The following ZNRF3 variants were observed in gnomAD, a reference collection of about 807,000 sequenced individuals.
The protein encoded by ZNRF3 is E3 ubiquitin-protein ligase ZNRF3.
A neutral mutation model predicts 72.5 loss-of-function variants in ZNRF3; 23 were observed. That is an observed-to-expected ratio of 0.32 (90% CI 0.23 to 0.45). ZNRF3 has a LOEUF of 0.45. Ranked by LOEUF, ZNRF3 falls within the 20% of genes least tolerant of loss-of-function variation. The pLI is 1.00. For synonymous variants in ZNRF3, 610 were observed against 545.3 expected (o/e 1.12, Z -1.65); for missense variants, 1,169 against 1,272.1 (o/e 0.92, Z 1.23).
chr22:28,937,562 T>C (rs2034863322), intron 1 of ZNRF3, among the ~76,000 whole-genome samples: 1 of 152,198 alleles, frequency 6.6e-6, no homozygotes, highest in Non-Finnish European at 1.5e-5. Flanking sequence ...TTCTCAAACT[T>C]GCATCTATCA....
At chr22:28,884,107 A>G (rs2033719826) in intron 1 of ZNRF3, 41 bp downstream of exon 1, 4 of 1,137,016 alleles carry the variant, frequency 3.5e-6, no homozygotes, top group Non-Finnish European at 4.3e-6. Context: ...CCTCCGCCAC[A>G]AGATGGCTCC....
At chr22:29,053,519 G>A (rs1569300119) in intron 8 of ZNRF3, 60 bp from the exon 9 acceptor site, 2 of 1,571,192 alleles carry the variant, frequency 1.3e-6, no homozygotes, top group Non-Finnish European at 1.7e-6. Flanking sequence ...TGAGTCCCTT[G>A]CCTGGTCCCA....
In ZNRF3 at chr22:29,050,271, T is replaced by A. The variant is rs1162526872; in HGVS notation, c.2090T>A (p.Leu697His). The change falls in exon 8 of 9, where the codon CTC (leucine) becomes CAC (histidine). Residue 697 changes from leucine to histidine, a missense_variant. Physicochemically the swap from Leu to His is moderately conservative, Grantham distance 99 (BLOSUM62 -3). Coordinates refer to ENST00000544604, the MANE Select transcript of ZNRF3 (RefSeq NM_001206998.2). The stretch of plus-strand genomic sequence containing the variant: ...GCTTCTCCTGGGGCCGCCCCTGACC[T>A]CAGGAGGACCTGGAAGGGGGGCCAC... ...LEASPGAAPD[L>H]RRTWKGGHEL... is the part of the protein sequence containing the mutation. The A allele has an allele frequency of 6.3e-7, 1 of 1,597,926 alleles. No homozygotes were observed. The highest frequency in any genetic ancestry group is 1.1e-5 in the South Asian group (1 of 91,006).
chr22:29,055,483 TA>T lies in ZNRF3; in HGVS notation c.*1862del, dbSNP rs2037282828. On this transcript the variant is annotated 3_prime_UTR_variant, in exon 9 of 9. Transcript: ENST00000544604. ...ATGAGGAAATTTACTTATCTCTAGCTAGGATTTGACAAATTCCAACATCAAA... is the reference window on the plus strand; with the variant it reads ...ATGAGGAAATTTACTTATCTCTAGCTGGATTTGACAAATTCCAACATCAAA... 1 of 152,254 alleles carries T rather than the reference TA, an allele frequency of 6.6e-6. No individual in the cohort carries two copies. The highest frequency in any genetic ancestry group is 1.5e-5 in the Non-Finnish European group (1 of 68,052). The allele number at this position is 152,254 out of a possible 1,614,324, so 9.4% of individuals were successfully genotyped here. A position where few individuals can be genotyped will look rare whatever the true frequency, so the allele number is the denominator to read the frequency against.
chr22:28,884,137 C>G, intron 1 of ZNRF3, 71 bp downstream of exon 1: 9 of 1,030,812 alleles, frequency 8.7e-6, no homozygotes, highest in Non-Finnish European at 1.1e-5. Context: ...GCCCGCCGAC[C>G]CCGCCGCGGG....
intron 1 of ZNRF3, among the ~76,000 whole-genome samples, chr22:28,914,507 T>A (rs1007135059): frequency 2.6e-5 from 4 of 151,388 alleles, no homozygotes; most frequent in African/African-American, 9.7e-5. Context: ...TTTTTTTTTT[T>A]TTTTTTTTAA....
At chr22:28,884,208 C>A in intron 1 of ZNRF3, 142 bp downstream of exon 1, 1 of 619,766 alleles carries the variant, frequency 1.6e-6, no homozygotes, top group Non-Finnish European at 2.0e-6. Flanking sequence ...CCCTCCCCTG[C>A]GGGCGGGCAG....
chr22:28,973,624 G>A (rs1345163939), intron 1 of ZNRF3, among the ~76,000 whole-genome samples: 1 of 152,162 alleles, frequency 6.6e-6, no homozygotes, highest in Non-Finnish European at 1.5e-5. Flanking sequence ...AGAATGAGAG[G>A]TTCTGCCTTA....
chr22:29,020,249 C>CTTTTTTT (rs756716817), intron 2 of ZNRF3, among the ~76,000 whole-genome samples: 3 of 91,772 alleles, frequency 3.3e-5, no homozygotes, highest in East Asian at 3.7e-4. Flanking sequence ...CACAACCATC[C>CTTTTTTT]TTTTTTTTTT....
At chr22:29,033,764 G>A (rs1469997335) in intron 2 of ZNRF3, among the ~76,000 whole-genome samples, 1 of 152,190 alleles carries the variant, frequency 6.6e-6, no homozygotes, top group Non-Finnish European at 1.5e-5. Context: ...GTGGAGGAAT[G>A]GGGGAGATGG....
At position 28,982,566 on chromosome 22, in the gene ZNRF3, TAA is replaced by T. The variant is rs57062209; in HGVS notation, c.301-4494_301-4493del. Among the ~76,000 whole-genome samples, 290 of 137,442 alleles carry T rather than the reference TAA, an allele frequency of 2.1e-3. 2 individuals carry two copies. The highest frequency in any genetic ancestry group is 4.8e-3 in the African/African-American group (180 of 37,650). 90.2% of individuals were successfully genotyped at this position (137,442 alleles called of 152,430 possible). A position where few individuals can be genotyped will look rare whatever the true frequency, so the allele number is the denominator to read the frequency against. ...GGGTGACAGAACAAGACCCTGCCTT[TAA>T]AAAAAAAAAAAAAAAGTGTTAACAT... On this transcript the variant is annotated intron_variant, in intron 1 of 8. Coordinates refer to ENST00000544604, the MANE Select transcript of ZNRF3 (RefSeq NM_001206998.2).
chr22:28,972,640 G>T (rs1251576032), intron 1 of ZNRF3, among the ~76,000 whole-genome samples: 2 of 152,086 alleles, frequency 1.3e-5, no homozygotes, highest in Admixed American at 1.3e-4. Flanking sequence ...GGAATTGCTG[G>T]GTGTCATATG....
At chr22:28,918,541 T>C (rs921008611) in intron 1 of ZNRF3, among the ~76,000 whole-genome samples, 3 of 1,992 alleles carry the variant, frequency 1.5e-3, no homozygotes, top group Non-Finnish European at 4.9e-3. Flanking sequence ...TGTGTGCGTG[T>C]GTGTGTGTGT....
intron 1 of ZNRF3, among the ~76,000 whole-genome samples, chr22:28,927,522 T>C (rs2034626042): frequency 6.6e-6 from 1 of 152,214 alleles, no homozygotes; most frequent in South Asian, 2.1e-4. Flanking sequence ...TAGAATGGCT[T>C]TATATGAACT....
intron 2 of ZNRF3, among the ~76,000 whole-genome samples, chr22:29,022,868 A>G (rs1473442455): frequency 2.0e-5 from 3 of 152,122 alleles, no homozygotes; most frequent in Non-Finnish European, 4.4e-5. Context: ...AACAAATGAG[A>G]GTTTTTTGGG....
intron 2 of ZNRF3, among the ~76,000 whole-genome samples, chr22:28,998,700 A>G (rs1284297824): frequency 6.6e-6 from 1 of 152,258 alleles, no homozygotes; most frequent in East Asian, 1.9e-4. Flanking sequence ...AAAAGGCTAT[A>G]TTAAGCACAA....
intron 4 of ZNRF3, among the ~76,000 whole-genome samples, 189 bp from the exon 5 acceptor site, chr22:29,044,591 C>T (rs2037025989): frequency 6.6e-6 from 1 of 152,232 alleles, no homozygotes; most frequent in African/African-American, 2.4e-5. Context: ...CTGGGCCACA[C>T]CAAAGGCACT....
At position 29,054,047 on chromosome 22, in the gene ZNRF3, C is replaced by T. The variant is rs1277349305; in HGVS notation, c.*425C>T. 1 of 155,928 alleles carries T rather than the reference C, an allele frequency of 6.4e-6. No homozygotes were observed. The highest frequency in any genetic ancestry group is 1.4e-5 in the Non-Finnish European group (1 of 70,466). 9.7% of individuals were successfully genotyped at this position (155,928 alleles called of 1,614,324 possible). A position where few individuals can be genotyped will look rare whatever the true frequency, so the allele number is the denominator to read the frequency against. ...CACTGCTGCATTAAATGAACCACAT[C>T]ATGTGTAGATACTGTTGTCTCCCTG... is the stretch of plus-strand genomic sequence containing the variant. On this transcript the variant is annotated 3_prime_UTR_variant, in exon 9 of 9. Transcript: ENST00000544604.
At chr22:29,021,370 A>C (rs2036536683) in intron 2 of ZNRF3, among the ~76,000 whole-genome samples, 1 of 152,180 alleles carries the variant, frequency 6.6e-6, no homozygotes, top group African/African-American at 2.4e-5. Context: ...TATTAACTAA[A>C]ATTAAATGCA....
Sources: allele counts gnomAD v4.1 joint callset (sites outside exome capture counted in the v4.1 genomes callset), GRCh38; gene constraint gnomAD v4.1.1; transcripts MANE v1.5; gene names NCBI Gene and HGNC (gene_info 2026-07-23, HGNC 2026-07-21).